LDAF1: variants seen among roughly 807,000 people sequenced by gnomAD.
LDAF1 encodes the protein lipid droplet assembly factor 1.
Under a neutral mutation model 13.5 loss-of-function variants are expected in LDAF1, and 7 were observed. The ratio of observed to expected loss-of-function variants is 0.52; its 90% CI spans 0.29 to 0.97. The LOEUF is 0.97. Among genes scored for constraint, LDAF1 ranks in the 50% least tolerant of loss-of-function variants. LDAF1 has a pLI of 0.07. For missense variants in LDAF1, 148 were observed against 193.2 expected, an observed-to-expected ratio of 0.77 and a Z score of 1.39; for synonymous variants, 69 against 77.1, an observed-to-expected ratio of 0.89 and a Z score of 0.55.
chr16:21,168,780 A>T (rs1166151903), intron 2 of LDAF1, among the ~76,000 whole-genome samples: 1 of 130,254 alleles, frequency 7.7e-6, no homozygotes, highest in African/African-American at 3.0e-5. Flanking sequence ...TTTTATATTT[A>T]TATTTTTATA....
At chr16:21,174,991 A>G (rs901337504) in intron 4 of LDAF1, among the ~76,000 whole-genome samples, 4 of 152,128 alleles carry the variant, frequency 2.6e-5, no homozygotes, top group African/African-American at 9.7e-5. Flanking sequence ...AATGCCAGCT[A>G]CTTCATCTGG....
At chr16:21,167,954 C>T (rs1325813503) in intron 2 of LDAF1, among the ~76,000 whole-genome samples, 3 of 145,842 alleles carry the variant, frequency 2.1e-5, no homozygotes, top group South Asian at 4.4e-4. Flanking sequence ...TGCAGTGAGC[C>T]GAGATCTTGC....
chr16:21,179,422 G>A (rs368398652), intron 4 of LDAF1, 53 bp from the exon 5 acceptor site: 224 of 1,613,122 alleles, frequency 1.4e-4, no homozygotes, highest in Non-Finnish European at 1.8e-4. Flanking sequence ...CACTTCCAAC[G>A]TTGCTCTTTA....
intron 1 of LDAF1, 107 bp from the exon 2 acceptor site, chr16:21,160,978 G>A: frequency 7.6e-7 from 1 of 1,319,532 alleles, no homozygotes; most frequent in Non-Finnish European, 9.7e-7. Flanking sequence ...ATATTGCCAG[G>A]TTACCCTCCG....
intron 2 of LDAF1, chr16:21,165,681 C>A: frequency 2.3e-6 from 2 of 857,892 alleles, no homozygotes; most frequent in South Asian, 1.1e-4. Flanking sequence ...TTTCTTAAAT[C>A]ATTCCTTTAA....
In LDAF1 at chr16:21,178,315, A is replaced by T. The variant is rs973270109; in HGVS notation, c.405-1160A>T. 6 of 985,226 alleles carry T rather than the reference A, an allele frequency of 6.1e-6. No individual in the cohort carries two copies. The African/African-American group carries it at 1.0e-4, about 17-fold the overall frequency. The allele number at this position is 985,226 out of a possible 1,614,324, so 61.0% of individuals were successfully genotyped here. A position where few individuals can be genotyped will look rare whatever the true frequency, so the allele number is the denominator to read the frequency against. ...GCCACCAAACTCACTACCCCATATC[A>T]TAATCTTCCAAACCAGCCTGAGCAT... On this transcript the variant is annotated intron_variant, in intron 4 of 4. Transcript: ENST00000233047.
chr16:21,170,066 A>AACCTTGGCTCACAGTG (rs1292808033), intron 2 of LDAF1, among the ~76,000 whole-genome samples: 11 of 151,778 alleles, frequency 7.2e-5, no homozygotes, highest in African/African-American at 2.7e-4. Context: ...GCAATGGTGC[A>AACCTTGGCTCACAGTG]ACCTTGGCTC....
intron 1 of LDAF1, chr16:21,159,348 C>T (rs759657387): frequency 6.2e-7 from 1 of 1,614,154 alleles, no homozygotes; most frequent in Non-Finnish European, 8.5e-7. Context: ...CCTTCCTCCT[C>T]TCCTTGGGTC....
At chr16:21,160,691 TATC>T (rs1459271821) in intron 1 of LDAF1, among the ~76,000 whole-genome samples, 1 of 152,246 alleles carries the variant, frequency 6.6e-6, no homozygotes, top group Non-Finnish European at 1.5e-5. Flanking sequence ...ATTAACATTT[TATC>T]ATCTTTTTTT....
chr16:21,161,171 G>A lies in LDAF1; in HGVS notation c.-12G>A, dbSNP rs1354304423. ...ATAATTCATCCCTAAAGAGATTGAA[G>A]TGAGCTTCAGAATGGCAAAAGAGGA... On this transcript the variant is annotated 5_prime_UTR_variant, in exon 2 of 5. The change creates a new upstream start codon in the 5' untranslated region. Coordinates refer to ENST00000233047, the MANE Select transcript of LDAF1 (RefSeq NM_001301771.2). 1 of 1,613,734 alleles carries A rather than the reference G, an allele frequency of 6.2e-7. No homozygotes were observed. The highest frequency in any genetic ancestry group is 1.3e-5 in the African/African-American group (1 of 74,906).
intron 4 of LDAF1, among the ~76,000 whole-genome samples, chr16:21,176,014 G>A (rs1057503514): frequency 6.6e-6 from 1 of 151,644 alleles, no homozygotes; most frequent in Admixed American, 6.6e-5. Context: ...CAATGAACTG[G>A]AATTATAGGC....
At chr16:21,170,635 A>T (rs1331842712) in intron 3 of LDAF1, 30 bp downstream of exon 3, 4 of 1,611,560 alleles carry the variant, frequency 2.5e-6, no homozygotes, top group Non-Finnish European at 3.4e-6. Flanking sequence ...ACCCCTTTAG[A>T]AAATAATTCA....
chr16:21,167,281 A>G (rs567463875), intron 2 of LDAF1, among the ~76,000 whole-genome samples: 4 of 152,214 alleles, frequency 2.6e-5, no homozygotes, highest in Non-Finnish European at 4.4e-5. Context: ...TGGGGACCTG[A>G]ATTATGTCTT....
chr16:21,166,812 G>A (rs1012203044), intron 2 of LDAF1: 92 of 1,533,736 alleles, frequency 6.0e-5, no homozygotes, highest in Middle Eastern at 5.0e-4. Flanking sequence ...TGACTCCCAC[G>A]GCTCCTCCGC....
At chr16:21,161,763 G>A (rs2092977248) in intron 2 of LDAF1, among the ~76,000 whole-genome samples, 1 of 152,164 alleles carries the variant, frequency 6.6e-6, no homozygotes, top group South Asian at 2.1e-4. Context: ...TGAGTTCATT[G>A]TTCCACTAGG....
intron 1 of LDAF1, among the ~76,000 whole-genome samples, chr16:21,160,635 A>AT (rs1231454556): frequency 6.6e-6 from 1 of 152,228 alleles, no homozygotes; most frequent in Non-Finnish European, 1.5e-5. Context: ...TATTTTCAGC[A>AT]TTTTGTCAAG....
chr16:21,170,176 A>G (rs1226484129), intron 2 of LDAF1: 1 of 323,814 alleles, frequency 3.1e-6, no homozygotes, highest in Non-Finnish European at 4.4e-6. Context: ...CTAATTTTGT[A>G]TTTTTAGTAG....
In LDAF1 at chr16:21,174,135, T is replaced by C; in HGVS notation, c.391T>C (p.Trp131Arg). Residue 131 changes from tryptophan (W) to arginine (R), a missense_variant, in exon 4 of 5, where the codon TGG becomes CGG. Transcript: ENST00000233047. ...AGTGGTCTCCAGCCTCATCAGCTGC[T>C]GGTTTTCTCCCAGGTAAATACATGT... ...YVVVSSLISC[W>R]FSPRPLTQQN... The C allele has an allele frequency of 6.2e-7, 1 of 1,608,788 alleles. No homozygotes were observed. The highest frequency in any genetic ancestry group is 8.5e-7 in the Non-Finnish European group (1 of 1,178,682).
At chr16:21,171,910 G>T (rs1056683429) in intron 3 of LDAF1, among the ~76,000 whole-genome samples, 2 of 151,704 alleles carry the variant, frequency 1.3e-5, no homozygotes, top group African/African-American at 4.8e-5. Context: ...ACTAATTTTT[G>T]TATTTTTGGT....
Sources: allele counts gnomAD v4.1 joint callset (sites outside exome capture counted in the v4.1 genomes callset), GRCh38; gene constraint gnomAD v4.1.1; transcripts MANE v1.5; gene names NCBI Gene and HGNC (gene_info 2026-07-23, HGNC 2026-07-21).